FSIP1: variants seen among roughly 807,000 people sequenced by gnomAD.
FSIP1 encodes fibrous sheath interacting protein 1.
In FSIP1, 65 loss-of-function variants were observed where a neutral mutation model predicts 60.9. That is an observed-to-expected ratio of 1.07 (90% CI 0.87 to 1.31). The LOEUF (loss-of-function observed/expected upper bound fraction) is 1.31. Among genes scored for constraint, FSIP1 ranks in the 40% most tolerant of loss-of-function variants. The pLI is 0.00. For missense variants in FSIP1, 675 were observed against 665.5 expected, an observed-to-expected ratio of 1.01 and a Z score of -0.16; for synonymous variants, 209 against 221.2, an observed-to-expected ratio of 0.94 and a Z score of 0.49.
chr15:39,680,295 G>C (rs1285490647), intron 10 of FSIP1, among the ~76,000 whole-genome samples: 1 of 152,246 alleles, frequency 6.6e-6, no homozygotes, highest in Non-Finnish European at 1.5e-5. Flanking sequence ...GCAGGAACCA[G>C]TTCTTAGAGT....
intron 5 of FSIP1, among the ~76,000 whole-genome samples, chr15:39,743,410 A>G (rs1438226352): frequency 6.6e-6 from 1 of 152,170 alleles, no homozygotes; most frequent in Non-Finnish European, 1.5e-5. Flanking sequence ...TTGGGCATTC[A>G]ATTGCAAGAG....
chr15:39,751,151 C>T (rs1897149101), intron 5 of FSIP1, among the ~76,000 whole-genome samples: 1 of 151,692 alleles, frequency 6.6e-6, no homozygotes, highest in African/African-American at 2.4e-5. Flanking sequence ...GAAAAGGGAA[C>T]CCTTGTATAC....
intron 11 of FSIP1, among the ~76,000 whole-genome samples, chr15:39,605,991 C>A (rs552151651): frequency 7.7e-4 from 118 of 152,336 alleles, no homozygotes; most frequent in African/African-American, 2.8e-3. Flanking sequence ...ACCCAGAACC[C>A]ATGTTCCTAA....
At position 39,636,113 on chromosome 15, in the gene FSIP1, C is replaced by T. The variant is rs899850630; in HGVS notation, c.1189-17868G>A. ...TGGACTTCTTGCTCTTATAGTAGTA[C>T]GTGACAGAATTTCTAGCAGCTCATT... On this transcript the variant is annotated intron_variant, in intron 10 of 11. Transcript: ENST00000350221. Among the ~76,000 whole-genome samples the T allele has an allele frequency of 7.9e-5, 12 of 152,232 alleles. 1 individual carries two copies. Among genetic ancestry groups the T allele is most frequent in the African/African-American group, 2.9e-4 (12 of 41,530 alleles).
intron 9 of FSIP1, among the ~76,000 whole-genome samples, chr15:39,717,829 T>C (rs1895800689): frequency 1.3e-5 from 2 of 152,300 alleles, no homozygotes; most frequent in East Asian, 1.9e-4. Context: ...ATTCTCCCAA[T>C]CCAGGGATCA....
intron 10 of FSIP1, among the ~76,000 whole-genome samples, chr15:39,659,623 A>G (rs1893213973): frequency 2.5e-5 from 1 of 40,760 alleles, no homozygotes; most frequent in Admixed American, 1.7e-4. Context: ...TAAAGCTGTT[A>G]TTTTAAAAAA....
intron 11 of FSIP1, among the ~76,000 whole-genome samples, chr15:39,608,813 C>G (rs1053196984): frequency 6.6e-6 from 1 of 152,162 alleles, no homozygotes; most frequent in Non-Finnish European, 1.5e-5. Flanking sequence ...TTCATTAATA[C>G]TCCTGAACTC....
intron 10 of FSIP1, among the ~76,000 whole-genome samples, chr15:39,650,515 T>A (rs1442643102): frequency 1.3e-5 from 2 of 152,236 alleles, no homozygotes; most frequent in East Asian, 3.9e-4. Flanking sequence ...TTGGGGAAAG[T>A]TTTCTAATAT....
At chr15:39,629,576 C>T (rs551962375) in intron 10 of FSIP1, among the ~76,000 whole-genome samples, 1 of 152,168 alleles carries the variant, frequency 6.6e-6, no homozygotes, top group Non-Finnish European at 1.5e-5. Context: ...CCTGCGCACA[C>T]CCTCCTCAGG....
intron 10 of FSIP1, among the ~76,000 whole-genome samples, chr15:39,687,818 C>T (rs1437036305): frequency 6.6e-6 from 1 of 152,214 alleles, no homozygotes; most frequent in Non-Finnish European, 1.5e-5. Flanking sequence ...GACTTTACCT[C>T]TACCTAACAC....
chr15:39,652,244 C>G (rs528969860), intron 10 of FSIP1, among the ~76,000 whole-genome samples: 1 of 152,178 alleles, frequency 6.6e-6, no homozygotes, highest in East Asian at 1.9e-4. Flanking sequence ...AATGCTAGTG[C>G]TATTCAAGAA....
At chr15:39,775,513 A>AG in intron 2 of FSIP1, among the ~76,000 whole-genome samples, 1 of 152,164 alleles carries the variant, frequency 6.6e-6, no homozygotes, top group East Asian at 1.9e-4. Context: ...GGACTGCTGA[A>AG]GAAAAAAAAA....
intron 5 of FSIP1, among the ~76,000 whole-genome samples, chr15:39,752,659 A>G (rs1897197852): frequency 6.6e-6 from 1 of 151,988 alleles, no homozygotes; most frequent in Non-Finnish European, 1.5e-5. Flanking sequence ...AAAATAAAAA[A>G]AGTCTGAGAA....
At chr15:39,723,031 A>T (rs1009148801) in intron 9 of FSIP1, among the ~76,000 whole-genome samples, 7 of 152,158 alleles carry the variant, frequency 4.6e-5, no homozygotes, top group African/African-American at 1.7e-4. Context: ...TAAGTTCTTT[A>T]TATCACTTAT....
At position 39,685,160 on chromosome 15, in the gene FSIP1, T is replaced by C. The variant is rs1214989116; in HGVS notation, c.1188+28284A>G. Among the ~76,000 whole-genome samples, 3 of 152,240 alleles carry C rather than the reference T, an allele frequency of 2.0e-5. No individual in the cohort carries two copies. In the East Asian group the frequency reaches 5.8e-4, roughly 29 times the overall value. On this transcript the variant is annotated intron_variant, in intron 10 of 11. Transcript: ENST00000350221. ...CATTTGCAAATTCCAAGAGCATCTTTAGGGAAAGTTTTTAGTTAAAGTTTG... is the reference window on the plus strand; with the variant it reads ...CATTTGCAAATTCCAAGAGCATCTTCAGGGAAAGTTTTTAGTTAAAGTTTG...
intron 8 of FSIP1, among the ~76,000 whole-genome samples, chr15:39,735,304 A>C (rs1896565664): frequency 6.6e-6 from 1 of 152,266 alleles, no homozygotes; most frequent in Non-Finnish European, 1.5e-5. Flanking sequence ...CACCCAGGCC[A>C]CATTGTAAAG....
chr15:39,608,073 AAAT>A (rs1262055171), intron 11 of FSIP1, among the ~76,000 whole-genome samples: 2 of 152,248 alleles, frequency 1.3e-5, no homozygotes, highest in Non-Finnish European at 2.9e-5. Context: ...TAATAATTAT[AAAT>A]AATGAGGTTA....
chr15:39,761,656 G>A (rs932437589), intron 5 of FSIP1, among the ~76,000 whole-genome samples: 5 of 152,074 alleles, frequency 3.3e-5, no homozygotes, highest in African/African-American at 7.2e-5. Flanking sequence ...TCTATTGCAC[G>A]GTGTGGTGAA....
At chr15:39,778,327 G>C (rs1004159985) in intron 1 of FSIP1, among the ~76,000 whole-genome samples, 2 of 152,178 alleles carry the variant, frequency 1.3e-5, no homozygotes, top group African/African-American at 2.4e-5. Flanking sequence ...ACAGGCACAG[G>C]CAACCAACAA....
Sources: allele counts gnomAD v4.1 joint callset (sites outside exome capture counted in the v4.1 genomes callset), GRCh38; gene constraint gnomAD v4.1.1; transcripts MANE v1.5; gene names NCBI Gene and HGNC (gene_info 2026-07-23, HGNC 2026-07-21).